The following MAPK1IP1L variants were observed in gnomAD, a reference collection of about 807,000 sequenced individuals.
MAPK1IP1L encodes mitogen-activated protein kinase 1 interacting protein 1 like, also known as MAPK-interacting and spindle-stabilizing protein-like.
A neutral mutation model predicts 18.1 loss-of-function variants in MAPK1IP1L; 10 were observed. That is an observed-to-expected ratio of 0.55 (90% CI 0.34 to 0.94). The LOEUF is 0.94. Among genes scored for constraint, MAPK1IP1L ranks in the 40% least tolerant of loss-of-function variants. The pLI, the probability that MAPK1IP1L is intolerant of heterozygous loss-of-function variation, is 0.02. For synonymous variants in MAPK1IP1L, 115 were observed against 117.3 expected, an observed-to-expected ratio of 0.98 and a Z score of 0.13; for missense variants, 260 against 318.2, an observed-to-expected ratio of 0.82 and a Z score of 1.39.
In MAPK1IP1L at chr14:55,051,751, C is replaced by T. The variant is rs553925015; in HGVS notation, c.-57C>T. On this transcript the variant is annotated 5_prime_UTR_variant, in exon 1 of 4. Transcript: ENST00000395468. Reference sequence around the variant, plus strand: ...TGCGCCCGCGTCTTCAGGGCCCAGTCCCTCGGACCCATCGCCGCTTCTAGA... The same window carrying T: ...TGCGCCCGCGTCTTCAGGGCCCAGTTCCTCGGACCCATCGCCGCTTCTAGA... 1.9e-6 allele frequency: 1 copy of T among 514,854 alleles called. No homozygotes were observed. The allele number at this position is 514,854 out of a possible 1,614,324, so 31.9% of individuals were successfully genotyped here.
At chr14:55,059,659 T>C (rs1486351451) in intron 1 of MAPK1IP1L, among the ~76,000 whole-genome samples, 1 of 152,156 alleles carries the variant, frequency 6.6e-6, no homozygotes, top group Admixed American at 6.5e-5. Context: ...AGTTCTGGAG[T>C]CATACTGGGT....
intron 1 of MAPK1IP1L, among the ~76,000 whole-genome samples, chr14:55,058,844 A>C (rs921854457): frequency 2.0e-5 from 3 of 151,862 alleles, no homozygotes; most frequent in African/African-American, 7.3e-5. Context: ...AAAAAAAAAA[A>C]TACTTGGGGG....
intron 2 of MAPK1IP1L, among the ~76,000 whole-genome samples, chr14:55,062,068 T>C (rs1020111061): frequency 3.9e-5 from 6 of 152,258 alleles, no homozygotes; most frequent in African/African-American, 7.2e-5. Context: ...TATGAAAATA[T>C]GTATTTCTTT....
chr14:55,062,096 G>A lies in MAPK1IP1L; in HGVS notation c.18+395G>A, dbSNP rs2140260846. ...ATTTCTTTAAATGAAAATTTAAGAT[G>A]TTACTTCTGTTGTTCTCTTTTACCC... On this transcript the variant is annotated intron_variant, in intron 2 of 3. Transcript: ENST00000395468. Among the ~76,000 whole-genome samples, 2 of 152,300 alleles carry A rather than the reference G, an allele frequency of 1.3e-5. 1 individual carries two copies. Among genetic ancestry groups the A allele is most frequent in the South Asian group, 4.1e-4 (2 of 4,826 alleles).
intron 3 of MAPK1IP1L, 137 bp from the exon 4 acceptor site, chr14:55,064,479 A>G (rs1365178560): frequency 4.4e-5 from 27 of 618,716 alleles, no homozygotes; most frequent in Non-Finnish European, 7.0e-5. Flanking sequence ...TTTGTTTTGC[A>G]AAGTGTATGC....
Position 55,064,776 on chromosome 14 carries a change from G to A in MAPK1IP1L, c.*149G>A. 1 of 640,932 alleles carries A rather than the reference G, an allele frequency of 1.6e-6. No individual in the cohort carries two copies. Among genetic ancestry groups the A allele is most frequent in the Non-Finnish European group, 2.8e-6 (1 of 358,906 alleles). 39.7% of individuals were successfully genotyped at this position (640,932 alleles called of 1,614,324 possible). ...CTCTCAGAGAAGATAACTGCCTCTT[G>A]TACTTGGATGCGTAGTACATCATAT... On this transcript the variant is annotated 3_prime_UTR_variant, in exon 4 of 4. Coordinates refer to ENST00000395468, the MANE Select transcript of MAPK1IP1L (RefSeq NM_144578.4).
rs1291296649 is a variant in MAPK1IP1L at position 55,062,714 on chromosome 14, C to G, written c.115C>G (p.Pro39Ala). ...QPPQGWPGSN[P>A]WNNPSAPSSV... ...TCCTCAAGGCTGGCCAGGCTCCAAC[C>G]CTTGGAATAATCCGAGTGCTCCATC... The change falls in exon 3 of 4, where the codon CCT becomes GCT. Residue 39 changes from proline (P) to alanine (A), a missense_variant. Coordinates refer to ENST00000395468, the MANE Select transcript of MAPK1IP1L (RefSeq NM_144578.4). The G allele has an allele frequency of 6.2e-7, 1 of 1,614,086 alleles. No homozygotes were observed. The highest frequency in any genetic ancestry group is 2.2e-5 in the East Asian group (1 of 44,896).
Position 55,069,337 on chromosome 14 carries a change from G to A in MAPK1IP1L, c.*4710G>A, listed in dbSNP as rs1488823257. The A allele has an allele frequency of 2.0e-5, 3 of 152,568 alleles. No homozygotes were observed. Among genetic ancestry groups the A allele is most frequent in the Non-Finnish European group, 4.4e-5 (3 of 68,016 alleles). 9.5% of individuals were successfully genotyped at this position (152,568 alleles called of 1,614,324 possible). ...TGATTTGAGACATATACATATGTTTGTATTATAAATTGTAAGCAATCAGTT... is the reference window on the plus strand; with the variant it reads ...TGATTTGAGACATATACATATGTTTATATTATAAATTGTAAGCAATCAGTT... On this transcript the variant is annotated 3_prime_UTR_variant, in exon 4 of 4. Coordinates refer to ENST00000395468, the MANE Select transcript of MAPK1IP1L (RefSeq NM_144578.4).
rs1371909982 is a variant in MAPK1IP1L at position 55,066,856 on chromosome 14, AC to A, written c.*2230del. ...GTGCCCTAAATCATACTGCTATTGT[AC>A]TCCCTTTGTTTTCAAGGACTTTGCA... On this transcript the variant is annotated 3_prime_UTR_variant, in exon 4 of 4. Coordinates refer to ENST00000395468, the MANE Select transcript of MAPK1IP1L (RefSeq NM_144578.4). The A allele has an allele frequency of 6.6e-6, 1 of 151,014 alleles. No individual in the cohort carries two copies. Among genetic ancestry groups the A allele is most frequent in the African/African-American group, 2.4e-5 (1 of 41,048 alleles). The allele number at this position is 151,014 out of a possible 1,614,324, so 9.4% of individuals were successfully genotyped here.
rs959682918 is a variant in MAPK1IP1L, at chr14:55,066,442, A to G, written c.*1815A>G. 2 of 152,186 alleles carry G rather than the reference A, an allele frequency of 1.3e-5. No individual in the cohort carries two copies. The highest frequency in any genetic ancestry group is 2.9e-5 in the Non-Finnish European group (2 of 68,052). 9.4% of individuals were successfully genotyped at this position (152,186 alleles called of 1,614,324 possible). On this transcript the variant is annotated 3_prime_UTR_variant, in exon 4 of 4. Coordinates refer to ENST00000395468, the MANE Select transcript of MAPK1IP1L (RefSeq NM_144578.4). ...TCAAGGACAGGTGTTAGCTGTCTAC[A>G]ATACTGTTGAACTCTGTTGTCAAAG...
chr14:55,064,033 T>TTTTTTTTTTTTTTTG (rs1348655243), intron 3 of MAPK1IP1L: 5 of 111,356 alleles, frequency 4.5e-5, no homozygotes, highest in African/African-American at 2.0e-4. Flanking sequence ...TTTTTTTTTT[T>TTTTTTTTTTTTTTTG]GAGACAGTCT....
At chr14:55,052,401 A>T (rs1594621648) in intron 1 of MAPK1IP1L, among the ~76,000 whole-genome samples, 1 of 152,310 alleles carries the variant, frequency 6.6e-6, no homozygotes, top group East Asian at 1.9e-4. Flanking sequence ...GATACATTAG[A>T]TGAATACCCA....
At position 55,051,682 on chromosome 14, in the gene MAPK1IP1L, G is replaced by A. The variant is rs1177254270; in HGVS notation, c.-126G>A. On this transcript the variant is annotated 5_prime_UTR_variant, in exon 1 of 4. Transcript: ENST00000395468. ...CCGGCGCCAGGAGGAGCCGCGCGCT[G>A]CTGGTGCTGTTGCCGCCGCTGCTCT... 1.9e-6 allele frequency: 1 copy of A among 516,092 alleles called. No homozygotes were observed. The highest frequency in any genetic ancestry group is 3.9e-6 in the Non-Finnish European group (1 of 259,442). The allele number at this position is 516,092 out of a possible 1,614,324, so 32.0% of individuals were successfully genotyped here.
chr14:55,057,489 T>C (rs2042780665), intron 1 of MAPK1IP1L, among the ~76,000 whole-genome samples: 1 of 152,242 alleles, frequency 6.6e-6, no homozygotes, highest in Non-Finnish European at 1.5e-5. Context: ...CTGGGCGCAG[T>C]GGCTCACGCC....
intron 1 of MAPK1IP1L, among the ~76,000 whole-genome samples, chr14:55,057,600 T>C (rs1223399554): frequency 6.6e-6 from 1 of 151,950 alleles, no homozygotes; most frequent in East Asian, 1.9e-4. Flanking sequence ...CTACTAAAAA[T>C]ACAAAAATTA....
intron 1 of MAPK1IP1L, among the ~76,000 whole-genome samples, chr14:55,059,492 G>A (rs527674049): frequency 8.3e-4 from 126 of 152,212 alleles, no homozygotes; most frequent in East Asian, 7.0e-3. Flanking sequence ...GGGCAGGATC[G>A]ATTGAGCCCA....
rs753417776 is a variant in MAPK1IP1L, at chr14:55,064,865, G to T, written c.*238G>T. ...GATGTGATTTTTATTTGGTTTTCAT[G>T]GAAAGTTAAAGTGATAAAGTATATT... On this transcript the variant is annotated 3_prime_UTR_variant, in exon 4 of 4. Coordinates refer to ENST00000395468, the MANE Select transcript of MAPK1IP1L (RefSeq NM_144578.4). 5 of 406,604 alleles carry T rather than the reference G, an allele frequency of 1.2e-5. No individual in the cohort carries two copies. Among genetic ancestry groups the T allele is most frequent in the Non-Finnish European group, 2.2e-5 (5 of 225,928 alleles). 25.2% of individuals were successfully genotyped at this position (406,604 alleles called of 1,614,324 possible).
chr14:55,060,154 A>ATTTTTTTTTTTTTTTTTTTTTTT (rs71131248), intron 1 of MAPK1IP1L, among the ~76,000 whole-genome samples: 2 of 63,892 alleles, frequency 3.1e-5, no homozygotes, highest in East Asian at 6.0e-4. Context: ...TTTTGGAGAA[A>ATTTTTTTTTTTTTTTTTTTTTTT]TTTTTTTTTT....
At chr14:55,054,133 A>G (rs2042751773) in intron 1 of MAPK1IP1L, among the ~76,000 whole-genome samples, 1 of 151,986 alleles carries the variant, frequency 6.6e-6, no homozygotes, top group Non-Finnish European at 1.5e-5. Flanking sequence ...TAAATGAGCC[A>G]ATACTAAAAA....
Sources: allele counts gnomAD v4.1 joint callset (sites outside exome capture counted in the v4.1 genomes callset), GRCh38; gene constraint gnomAD v4.1.1; transcripts MANE v1.5; gene names NCBI Gene and HGNC (gene_info 2026-07-23, HGNC 2026-07-21).